The following RXFP1 variants were observed in gnomAD, a reference collection of about 807,000 sequenced individuals.
RXFP1 encodes the protein relaxin receptor 1.
In RXFP1, 73 loss-of-function variants were observed where a neutral mutation model predicts 89.8. That is an observed-to-expected ratio of 0.81 (90% confidence interval 0.67 to 0.99). The LOEUF (loss-of-function observed/expected upper bound fraction) is 0.99. Ranked by LOEUF, RXFP1 falls within the 50% of genes least tolerant of loss-of-function variation. The pLI, the probability that RXFP1 is intolerant of heterozygous loss-of-function variation, is 0.00. For synonymous variants in RXFP1, 277 were observed against 305.5 expected (o/e 0.91, Z 0.97); for missense variants, 793 against 895.5 (o/e 0.89, Z 1.46).
chr4:158,647,295 C>T, intron 16 of RXFP1, 94 bp downstream of exon 16: 3 of 1,010,372 alleles, frequency 3.0e-6, no homozygotes, highest in Non-Finnish European at 4.2e-6. Context: ...CTATCAGAAT[C>T]CCCAGCAAGG....
Position 158,646,808 on chromosome 4 carries a change from G to T in RXFP1, c.1363G>T (p.Gly455Ter). Residue 455 changes from glycine (G) to a stop codon, truncating the protein, a stop_gained, in exon 16 of 18, where the codon GGA becomes TGA. Coordinates refer to ENST00000307765, the MANE Select transcript of RXFP1 (RefSeq NM_021634.4). LOFTEE classifies it high-confidence loss of function. ...TCCTCTAGGTGCCGACTGCTTAATG[G>T]GAATATATTTATTCGTGATCGGAGG... is the stretch of plus-strand genomic sequence containing the variant. ...ISLCCADCLM[G>*]IYLFVIGGFD... is the part of the protein sequence containing the mutation. The T allele has an allele frequency of 6.2e-7, 1 of 1,609,302 alleles. No individual in the cohort carries two copies. Among genetic ancestry groups the T allele is most frequent in the Non-Finnish European group, 8.5e-7 (1 of 1,176,852 alleles).
intron 6 of RXFP1, among the ~76,000 whole-genome samples, chr4:158,611,260 A>T (rs1173140877): frequency 2.6e-5 from 4 of 152,222 alleles, no homozygotes; most frequent in African/African-American, 7.2e-5. Flanking sequence ...ACTGTTCGAT[A>T]GCAGATTTAG....
chr4:158,574,934 T>A (rs564367418), intron 2 of RXFP1, among the ~76,000 whole-genome samples: 1 of 152,318 alleles, frequency 6.6e-6, no homozygotes, highest in Non-Finnish European at 1.5e-5. Context: ...TATTACATAA[T>A]TTTTTAATTA....
intron 6 of RXFP1, chr4:158,610,693 T>C (rs1425002017): frequency 1.2e-5 from 16 of 1,289,484 alleles, no homozygotes; most frequent in Middle Eastern, 2.1e-4. Flanking sequence ...CAGGTGAGCA[T>C]AGGGAGCAAT....
intron 1 of RXFP1, among the ~76,000 whole-genome samples, chr4:158,542,174 G>A (rs1380258749): frequency 1.4e-5 from 2 of 144,878 alleles, no homozygotes; most frequent in Admixed American, 7.1e-5. Flanking sequence ...TCCTGACCTC[G>A]TGATTTGCCT....
intron 1 of RXFP1, among the ~76,000 whole-genome samples, chr4:158,561,545 G>GA (rs1383035900): frequency 3.3e-5 from 5 of 151,138 alleles, no homozygotes; most frequent in South Asian, 2.1e-4. Flanking sequence ...TCCAAAATCT[G>GA]AAAAAATCTG....
chr4:158,525,820 TG>T (rs1012831363), intron 1 of RXFP1, among the ~76,000 whole-genome samples: 1 of 152,250 alleles, frequency 6.6e-6, no homozygotes, highest in African/African-American at 2.4e-5. Flanking sequence ...GTAGCATTCC[TG>T]GCACCACTTC....
At chr4:158,618,341 C>T (rs575033252) in intron 9 of RXFP1, among the ~76,000 whole-genome samples, 1 of 151,670 alleles carries the variant, frequency 6.6e-6, no homozygotes, top group African/African-American at 2.4e-5. Context: ...TATGCACAAG[C>T]AATAATAAAC....
intron 9 of RXFP1, among the ~76,000 whole-genome samples, chr4:158,619,833 AC>A (rs1160901723): frequency 1.6e-4 from 25 of 151,824 alleles, no homozygotes; most frequent in African/African-American, 5.6e-4. Context: ...AAAAAAAAAA[AC>A]CACTCCAGCC....
intron 14 of RXFP1, among the ~76,000 whole-genome samples, chr4:158,641,446 G>C (rs1292759755): frequency 6.6e-6 from 1 of 152,170 alleles, no homozygotes; most frequent in Non-Finnish European, 1.5e-5. Context: ...AAGAGTGATT[G>C]AGTGCTGGGC....
rs537079427 is a variant in RXFP1, at chr4:158,584,391, G to A, written c.188-9010G>A. On this transcript the variant is annotated intron_variant, in intron 2 of 17. Transcript: ENST00000307765. ...GGAGGTTGCAGTGAGCCAAGATCAT[G>A]CCACTGCACTCCAGCCTGGGCAACA... Among the ~76,000 whole-genome samples, 6 of 151,412 alleles carry A rather than the reference G, an allele frequency of 4.0e-5. No homozygotes were observed. The South Asian group carries it at 1.3e-3, about 32-fold the overall frequency.
At chr4:158,526,428 C>T (rs977124280) in intron 1 of RXFP1, among the ~76,000 whole-genome samples, 8 of 152,184 alleles carry the variant, frequency 5.3e-5, no homozygotes, top group East Asian at 3.8e-4. Context: ...AATTCTACAG[C>T]TTCATCTATT....
chr4:158,583,284 A>G (rs2150035369), intron 2 of RXFP1, among the ~76,000 whole-genome samples: 1 of 152,366 alleles, frequency 6.6e-6, no homozygotes, highest in East Asian at 1.9e-4. Flanking sequence ...ATTCTGGAAC[A>G]TTAATTATTC....
chr4:158,574,318 G>C (rs1755768630), intron 2 of RXFP1, among the ~76,000 whole-genome samples: 2 of 152,056 alleles, frequency 1.3e-5, no homozygotes, highest in Non-Finnish European at 2.9e-5. Flanking sequence ...GGCTTTTTAA[G>C]AAACCACCTT....
chr4:158,624,944 GCCT>G (rs1274772008), intron 9 of RXFP1, among the ~76,000 whole-genome samples: 1 of 152,102 alleles, frequency 6.6e-6, no homozygotes, highest in Non-Finnish European at 1.5e-5. Context: ...CCCAATATGT[GCCT>G]CTTTTTGATT....
intron 6 of RXFP1, among the ~76,000 whole-genome samples, chr4:158,611,832 C>CA (rs1763638625): frequency 6.6e-6 from 1 of 152,180 alleles, no homozygotes; most frequent in African/African-American, 2.4e-5. Flanking sequence ...TCTCCAGACT[C>CA]AAAGCCCCTT....
rs181124605 is a variant in RXFP1 at position 158,645,369 on chromosome 4, C to T, written c.1345+231C>T. Reference sequence around the variant, plus strand: ...ACCTTATGCAAATTAAGGAAGCTTTCATTTATTAGTTCTCTCTCATACAGT... The same window carrying T: ...ACCTTATGCAAATTAAGGAAGCTTTTATTTATTAGTTCTCTCTCATACAGT... On this transcript the variant is annotated intron_variant, in intron 15 of 17. Transcript: ENST00000307765. Among the ~76,000 whole-genome samples the T allele has an allele frequency of 6.4e-3, 969 of 152,256 alleles. 2 individuals carry two copies. Among genetic ancestry groups the T allele is most frequent in the Non-Finnish European group, 9.5e-3 (649 of 68,010 alleles).
At chr4:158,647,244 A>G (rs753495247) in intron 16 of RXFP1, 43 bp downstream of exon 16, 18 of 1,460,814 alleles carry the variant, frequency 1.2e-5, no homozygotes, top group Middle Eastern at 2.1e-4. Flanking sequence ...TTTATTTCAA[A>G]TCTTCCAACC....
At chr4:158,550,599 C>T (rs981029149) in intron 1 of RXFP1, among the ~76,000 whole-genome samples, 3 of 152,192 alleles carry the variant, frequency 2.0e-5, no homozygotes, top group African/African-American at 7.2e-5. Context: ...GGCTCCACCC[C>T]TGACCTTGAT....
Sources: allele counts gnomAD v4.1 joint callset (sites outside exome capture counted in the v4.1 genomes callset), GRCh38; gene constraint gnomAD v4.1.1; transcripts MANE v1.5; gene names NCBI Gene and HGNC (gene_info 2026-07-23, HGNC 2026-07-21).